The following SSBP2 variants were observed in gnomAD, a reference collection of about 807,000 sequenced individuals.
The protein encoded by SSBP2 is single-stranded DNA-binding protein 2.
A neutral mutation model predicts 61.8 loss-of-function variants in SSBP2; 17 were observed. The observed-to-expected ratio is 0.28, with a 90% CI of 0.19 to 0.41. SSBP2 has a LOEUF of 0.41. Among genes scored for constraint, SSBP2 ranks in the 10% least tolerant of loss-of-function variants. The probability of loss-of-function intolerance (pLI) is 1.00; values close to 1 mark genes in which losing one functional copy is unlikely to be tolerated. For synonymous variants in SSBP2, 139 were observed against 141.3 expected, an observed-to-expected ratio of 0.98 and a Z score of 0.12; for missense variants, 310 against 458.7, an observed-to-expected ratio of 0.68 and a Z score of 2.96.
chr5:81,634,800 T>G (rs1324068824), intron 3 of SSBP2, among the ~76,000 whole-genome samples: 1 of 152,216 alleles, frequency 6.6e-6, no homozygotes, highest in African/African-American at 2.4e-5. Flanking sequence ...AACATCCCCC[T>G]TCTCTATCTC....
In SSBP2 at chr5:81,489,029, A is replaced by G. The variant is rs568904885; in HGVS notation, c.432+221T>C. Among the ~76,000 whole-genome samples the G allele has an allele frequency of 9.8e-5, 15 of 152,302 alleles. No individual in the cohort carries two copies. In the South Asian group the frequency reaches 2.7e-3, roughly 27 times the overall value. On this transcript the variant is annotated intron_variant, in intron 6 of 16. Transcript: ENST00000320672. ...TTGTAGTGTAAAAGTAGTCACAGAC[A>G]ATACAGAAATAGATCTGTGTGGATG...
intron 4 of SSBP2, among the ~76,000 whole-genome samples, chr5:81,565,500 T>G (rs1180157276): frequency 6.6e-6 from 1 of 152,062 alleles, no homozygotes; most frequent in African/African-American, 2.4e-5. Context: ...ATACGACAGG[T>G]GTAGTTTTCT....
At chr5:81,528,366 C>T (rs1275291482) in intron 4 of SSBP2, among the ~76,000 whole-genome samples, 1 of 152,010 alleles carries the variant, frequency 6.6e-6, no homozygotes, top group Non-Finnish European at 1.5e-5. Flanking sequence ...GTAGTTGATA[C>T]TTGCTTCACT....
At position 81,416,748 on chromosome 5, in the gene SSBP2, CATAAAA is replaced by C. The variant is rs1761324438; in HGVS notation, c.*3750_*3755del. 1 of 152,232 alleles carries C rather than the reference CATAAAA, an allele frequency of 6.6e-6. No homozygotes were observed. Among genetic ancestry groups the C allele is most frequent in the East Asian group, 1.9e-4 (1 of 5,190 alleles). The allele number at this position is 152,232 out of a possible 1,614,324, so 9.4% of individuals were successfully genotyped here. On this transcript the variant is annotated 3_prime_UTR_variant, in exon 17 of 17. Coordinates refer to ENST00000320672, the MANE Select transcript of SSBP2 (RefSeq NM_012446.5). ...ATGGAGTTCAGATATCTTAGAGAAT[CATAAAA>C]ATAGAAATGGAAGTTTTATTTTATT...
intron 4 of SSBP2, among the ~76,000 whole-genome samples, chr5:81,531,985 C>T (rs1488856199): frequency 6.6e-6 from 1 of 151,926 alleles, no homozygotes; most frequent in Non-Finnish European, 1.5e-5. Context: ...TTTTCTCTGT[C>T]AAGAGATATG....
chr5:81,489,271 G>T lies in SSBP2; in HGVS notation c.411C>A (p.Pro137=). ...TTACCTGATTAGGTATCCTCAATGG[G>T]GGCCTTGGACCTCCAGGGTACCGAG... Residue 137 remains proline, a synonymous_variant, in exon 6 of 17, where the codon CCC becomes CCA. Coordinates refer to ENST00000320672, the MANE Select transcript of SSBP2 (RefSeq NM_012446.5). 6.2e-7 allele frequency: 1 copy of T among 1,607,866 alleles called. No homozygotes were observed. The highest frequency in any genetic ancestry group is 8.5e-7 in the Non-Finnish European group (1 of 1,178,018).
At chr5:81,523,434 G>A (rs1175678123) in intron 4 of SSBP2, among the ~76,000 whole-genome samples, 1 of 151,832 alleles carries the variant, frequency 6.6e-6, no homozygotes, top group African/African-American at 2.4e-5. Flanking sequence ...AAAAATCTCT[G>A]GGTGATACAT....
chr5:81,487,500 T>C (rs1014711098), intron 6 of SSBP2, among the ~76,000 whole-genome samples: 23 of 152,144 alleles, frequency 1.5e-4, no homozygotes, highest in Non-Finnish European at 3.1e-4. Context: ...TATAATTGGA[T>C]AAAATTTGTA....
At chr5:81,637,298 T>C (rs1748329941) in intron 2 of SSBP2, among the ~76,000 whole-genome samples, 1 of 152,254 alleles carries the variant, frequency 6.6e-6, no homozygotes, top group Non-Finnish European at 1.5e-5. Context: ...ATTTTTTTGA[T>C]AACCACAAGC....
chr5:81,432,319 C>T (rs1158137185), intron 15 of SSBP2, among the ~76,000 whole-genome samples: 1 of 152,116 alleles, frequency 6.6e-6, no homozygotes, highest in East Asian at 1.9e-4. Flanking sequence ...GTTGAAAATA[C>T]TTTCTTGGTA....
intron 4 of SSBP2, among the ~76,000 whole-genome samples, chr5:81,559,384 C>A (rs1167871545): frequency 2.2e-3 from 212 of 95,582 alleles, no homozygotes; most frequent in Admixed American, 2.8e-3. Context: ...GAGATTTCAT[C>A]AAAAAAAAAA....
chr5:81,661,193 C>G (rs1181531068), intron 1 of SSBP2, among the ~76,000 whole-genome samples: 2 of 152,038 alleles, frequency 1.3e-5, no homozygotes, highest in African/African-American at 4.8e-5. Flanking sequence ...GACAGGATTT[C>G]CTTCTTGTTA....
chr5:81,513,588 C>T (rs1164150296), intron 5 of SSBP2, 40 bp downstream of exon 5: 3 of 1,216,386 alleles, frequency 2.5e-6, no homozygotes, highest in Non-Finnish European at 3.6e-6. Flanking sequence ...AACAGGAGTT[C>T]CTATGCTTTA....
Position 81,489,303 on chromosome 5 carries a change from TA to T in SSBP2, c.378del (p.Phe126LeufsTer14). On this transcript the variant is annotated frameshift_variant, in exon 6 of 17. Transcript: ENST00000320672. LOFTEE classifies it high-confidence loss of function. Reference sequence around the variant, plus strand: ...GGACCTCCAGGGTACCGAGGTGACATAAAAGGCTATTGAAGTAAAACAAATA... The same window carrying T: ...GGACCTCCAGGGTACCGAGGTGACATAAAGGCTATTGAAGTAAAACAAATA... 1 of 1,605,994 alleles carries T rather than the reference TA, an allele frequency of 6.2e-7. No homozygotes were observed. The highest frequency in any genetic ancestry group is 1.7e-5 in the Admixed American group (1 of 57,604).
intron 1 of SSBP2, among the ~76,000 whole-genome samples, chr5:81,653,144 G>T (rs2153720023): frequency 6.6e-6 from 1 of 151,890 alleles, no homozygotes; most frequent in Middle Eastern, 3.4e-3. Flanking sequence ...TCCCCTCCCT[G>T]TGTCCATGTG....
chr5:81,695,622 T>G (rs946814267), intron 1 of SSBP2, among the ~76,000 whole-genome samples: 9 of 151,656 alleles, frequency 5.9e-5, no homozygotes. Context: ...TCCTCAAGGG[T>G]GACTTTTAAA....
chr5:81,743,476 G>A (rs1757163011), intron 1 of SSBP2, among the ~76,000 whole-genome samples: 2 of 152,056 alleles, frequency 1.3e-5, no homozygotes, highest in Non-Finnish European at 2.9e-5. Flanking sequence ...AAGTTGCCTA[G>A]TACATTTATT....
chr5:81,513,816 G>A (rs897901367), intron 4 of SSBP2, 99 bp from the exon 5 acceptor site: 19 of 703,352 alleles, frequency 2.7e-5, no homozygotes, highest in South Asian at 7.2e-5. Flanking sequence ...GCTCTTTCAT[G>A]CCTGGGAACA....
intron 4 of SSBP2, among the ~76,000 whole-genome samples, chr5:81,608,239 T>C (rs1283877805): frequency 2.6e-5 from 4 of 152,190 alleles, no homozygotes; most frequent in Admixed American, 6.5e-5. Flanking sequence ...TTAATTTTTC[T>C]CTCTTCCTCA....
Sources: allele counts gnomAD v4.1 joint callset (sites outside exome capture counted in the v4.1 genomes callset), GRCh38; gene constraint gnomAD v4.1.1; transcripts MANE v1.5; gene names NCBI Gene and HGNC (gene_info 2026-07-23, HGNC 2026-07-21).